The following CFAP92 variants were observed in gnomAD, a reference collection of about 807,000 sequenced individuals.
CFAP92 encodes cilia and flagella associated protein 92 (putative).
Under a neutral mutation model 106.3 loss-of-function variants are expected in CFAP92, and 86 were observed. The ratio of observed to expected loss-of-function variants is 0.81; its 90% confidence interval spans 0.68 to 0.97. CFAP92 has a LOEUF of 0.97. Ranked by LOEUF, CFAP92 falls within the 50% of genes least tolerant of loss-of-function variation. The pLI is 0.00. For synonymous variants in CFAP92, 477 were observed against 506.4 expected, an observed-to-expected ratio of 0.94 and a Z score of 0.78; for missense variants, 1,204 against 1,283.8, an observed-to-expected ratio of 0.94 and a Z score of 0.95.
chr3:128,940,930 A>C (rs1253781968), intron 10 of CFAP92, among the ~76,000 whole-genome samples: 1 of 152,214 alleles, frequency 6.6e-6, no homozygotes, highest in Non-Finnish European at 1.5e-5. Context: ...AAAATTTTAA[A>C]ATCAATGTCC....
chr3:128,937,241 C>G (rs1453947861), intron 10 of CFAP92, among the ~76,000 whole-genome samples: 1 of 147,250 alleles, frequency 6.8e-6, no homozygotes, highest in Non-Finnish European at 1.5e-5. Flanking sequence ...GTAGAGGTTG[C>G]AGTGAGCCCT....
chr3:128,923,834 T>C (rs764819071), intron 12 of CFAP92, among the ~76,000 whole-genome samples: 10 of 152,234 alleles, frequency 6.6e-5, no homozygotes, highest in Non-Finnish European at 1.2e-4. Flanking sequence ...ACCCTTGATA[T>C]TGTAAAACTA....
In CFAP92 at chr3:128,914,402, C is replaced by T. The variant is rs536537720; in HGVS notation, c.3280+717G>A. Among the ~76,000 whole-genome samples, 4 of 152,318 alleles carry T rather than the reference C, an allele frequency of 2.6e-5. No homozygotes were observed. In the East Asian group the frequency reaches 7.7e-4, roughly 29 times the overall value. ...ATGGAGAAAGTGACATTTCAGCAAACTTGTTAGCACTTCCATGGAGCTGTG... is the reference window on the plus strand; with the variant it reads ...ATGGAGAAAGTGACATTTCAGCAAATTTGTTAGCACTTCCATGGAGCTGTG... On this transcript the variant is annotated intron_variant, in intron 15 of 15. Transcript: ENST00000645291.
intron 9 of CFAP92, among the ~76,000 whole-genome samples, chr3:128,957,165 CA>C (rs1002479890): frequency 1.3e-5 from 2 of 152,026 alleles, no homozygotes; most frequent in Admixed American, 1.3e-4. Context: ...AAGGAAATGA[CA>C]AAAGAAGTCT....
chr3:129,004,416 C>T (rs1033888512), upstream of CFAP92, among the ~76,000 whole-genome samples: 7 of 141,280 alleles, frequency 5.0e-5, no homozygotes, highest in Admixed American at 2.8e-4. Context: ...TCCACTCACC[C>T]ATTCATCCAT....
intron 2 of CFAP92, among the ~76,000 whole-genome samples, chr3:128,990,618 G>A (rs756577145): frequency 1.7e-4 from 26 of 152,176 alleles, no homozygotes; most frequent in Non-Finnish European, 2.1e-4. Flanking sequence ...TTTATAGGTC[G>A]GGCGTGGTGG....
At chr3:128,965,816 A>G (rs953039281) in intron 8 of CFAP92, 121 bp from the exon 9 acceptor site, 1 of 395,516 alleles carries the variant, frequency 2.5e-6, no homozygotes, top group African/African-American at 2.1e-5. Flanking sequence ...GAAAACTTTA[A>G]TTAAAAAAAA....
the CFAP92 span, among the ~76,000 whole-genome samples, chr3:129,014,125 A>G: frequency 8.5e-5 from 13 of 152,324 alleles, no homozygotes; most frequent in East Asian, 1.7e-3. This position sits in a 1 kb window ranked among gnomAD's most constrained non-coding sequence, Gnocchi z 4.3. Flanking sequence ...TCTTCATTCA[A>G]CCAAATTCTG....
chr3:128,975,999 T>G, intron 6 of CFAP92, 96 bp from the exon 7 acceptor site: 1 of 1,316,796 alleles, frequency 7.6e-7, no homozygotes. Flanking sequence ...GAGAGCAGAT[T>G]TTTTAAAAAC....
In CFAP92 at chr3:128,993,923, C is replaced by T. The variant is rs964533087; in HGVS notation, c.-33+57G>A. 1.0e-5 allele frequency: 10 copies of T among 982,632 alleles called. No individual in the cohort carries two copies. In the South Asian group the frequency reaches 4.2e-4, roughly 41 times the overall value. 60.9% of individuals were successfully genotyped at this position (982,632 alleles called of 1,614,324 possible). A position where few individuals can be genotyped will look rare whatever the true frequency, so the allele number is the denominator to read the frequency against. ...GAGGCGAGGCGGGAAGAGTCCCGGGCTGCGGCGGCCGAGGTGGGGGCAGGG... is the reference window on the plus strand; with the variant it reads ...GAGGCGAGGCGGGAAGAGTCCCGGGTTGCGGCGGCCGAGGTGGGGGCAGGG... On this transcript the variant is annotated intron_variant, in intron 1 of 15. Coordinates refer to ENST00000645291, the MANE Select transcript of CFAP92 (RefSeq NM_001394090.1).
chr3:128,971,071 C>T (rs1454794472), intron 8 of CFAP92: 2 of 626,198 alleles, frequency 3.2e-6, no homozygotes, highest in East Asian at 5.8e-5. Context: ...CCAGGCTTCA[C>T]ATTTCCTAGC....
intron 7 of CFAP92, among the ~76,000 whole-genome samples, chr3:128,972,304 C>T (rs941820607): frequency 6.6e-5 from 10 of 151,554 alleles, no homozygotes; most frequent in African/African-American, 9.7e-5. Flanking sequence ...TGCAATGGCA[C>T]GATCGAGGCT....
the CFAP92 span, among the ~76,000 whole-genome samples, chr3:129,018,016 C>T: frequency 2.0e-5 from 3 of 152,354 alleles, no homozygotes; most frequent in Non-Finnish European, 4.4e-5. Context: ...GCCCTCCCTC[C>T]TGGCTACCAT....
rs863224845 is a variant in CFAP92, at chr3:128,912,587, C to T, written c.3281-2254G>A. On this transcript the variant is annotated intron_variant, in intron 15 of 15. Transcript: ENST00000645291. ...GAAGCGAGCCTATATCTGTGCCCAC[C>T]CTCTGGACAGGACATGCTGAGGCAG... 1.2e-6 allele frequency: 2 copies of T among 1,614,122 alleles called. No homozygotes were observed. Among genetic ancestry groups the T allele is most frequent in the Admixed American group, 1.7e-5 (1 of 60,020 alleles).
In CFAP92 at chr3:128,915,864, AGTT is replaced by A. The variant is rs1328221655; in HGVS notation, c.2916+240_2916+242del. On this transcript the variant is annotated intron_variant, in intron 13 of 15. Coordinates refer to ENST00000645291, the MANE Select transcript of CFAP92 (RefSeq NM_001394090.1). The stretch of plus-strand genomic sequence containing the variant: ...TGTTCCCCAGAGGTAAGGATGCTAC[AGTT>A]GTTCTCCTTTATGTACATCTGAGCT... 23 of 462,102 alleles carry A rather than the reference AGTT, an allele frequency of 5.0e-5. No homozygotes were observed. The Admixed American group carries it at 8.0e-4, about 16-fold the overall frequency. 28.6% of individuals were successfully genotyped at this position (462,102 alleles called of 1,614,324 possible). A position where few individuals can be genotyped will look rare whatever the true frequency, so the allele number is the denominator to read the frequency against.
At chr3:128,963,712 G>T (rs1321105794) in intron 9 of CFAP92, among the ~76,000 whole-genome samples, 5 of 149,986 alleles carry the variant, frequency 3.3e-5, no homozygotes, top group African/African-American at 5.0e-5. Context: ...CACCAGCAAA[G>T]GCAGGCTATG....
the CFAP92 span, among the ~76,000 whole-genome samples, chr3:129,015,763 C>G: frequency 2.7e-5 from 4 of 150,734 alleles, no homozygotes; most frequent in Non-Finnish European, 5.9e-5. Flanking sequence ...TTCCGCCCTT[C>G]CTCTGCTGCA....
rs145829307 is a variant in CFAP92, at chr3:128,915,195, G to A, written c.3204C>T (p.His1068=). 11 of 1,536,120 alleles carry A rather than the reference G, an allele frequency of 7.2e-6. No individual in the cohort carries two copies. Among genetic ancestry groups the A allele is most frequent in the Middle Eastern group, 3.3e-4 (2 of 5,990 alleles). The part of the protein sequence containing the change: ...DRDRWSWDRH[H]VDFDLYKKPP... Reference sequence around the variant, plus strand: ...GTTTCTTGTACAGATCAAAGTCCACGTGGTGCCTGTCCCAGCTCCACCTGT... The same window carrying A: ...GTTTCTTGTACAGATCAAAGTCCACATGGTGCCTGTCCCAGCTCCACCTGT... The change falls in exon 15 of 16, where the codon CAC becomes CAT. Residue 1068 remains histidine, a synonymous_variant. Coordinates refer to ENST00000645291, the MANE Select transcript of CFAP92 (RefSeq NM_001394090.1).
At chr3:128,910,616 A>G (rs1206181166) in intron 15 of CFAP92, 1 of 1,023,928 alleles carries the variant, frequency 9.8e-7, no homozygotes, top group African/African-American at 1.6e-5. Context: ...AGACGGGGTG[A>G]CTCCTGTGCC....
Sources: gnomAD v4.1 joint callset for allele counts (sites outside exome capture counted in the v4.1 genomes callset) on GRCh38, gnomAD v4.1.1 for gene constraint, Gnocchi (gnomAD v3.1) non-coding constraint, MANE v1.5 for transcripts, NCBI Gene and HGNC (gene_info 2026-07-23, HGNC 2026-07-21) for gene names.